NALF1: variants seen among roughly 807,000 people sequenced by gnomAD.
NALF1 encodes the protein family with sequence similarity 155 member A.
In NALF1, 3 loss-of-function variants were observed where a neutral mutation model predicts 48.4. The ratio of observed to expected loss-of-function variants is 0.06; its 90% confidence interval spans 0.03 to 0.16. The LOEUF is 0.16. Among genes scored for constraint, NALF1 ranks in the 10% least tolerant of loss-of-function variants. NALF1 has a pLI of 1.00. For missense variants in NALF1, 526 were observed against 571.5 expected (o/e 0.92, Z 0.81); for synonymous variants, 262 against 245.7 (o/e 1.07, Z -0.62).
chr13:107,674,089 T>C (rs1881057394), intron 1 of NALF1, among the ~76,000 whole-genome samples: 1 of 152,054 alleles, frequency 6.6e-6, no homozygotes, highest in South Asian at 2.1e-4. Context: ...CCAGCATAGA[T>C]TTTAATATCT....
intron 1 of NALF1, among the ~76,000 whole-genome samples, chr13:107,649,682 T>C (rs1016146226): frequency 1.3e-5 from 2 of 152,190 alleles, no homozygotes; most frequent in African/African-American, 2.4e-5. Flanking sequence ...CAGTGTATCC[T>C]GGAAAATTAT....
intron 1 of NALF1, among the ~76,000 whole-genome samples, chr13:107,430,289 CT>C (rs66808641): frequency 0.29 from 44,036 of 150,094 alleles, 6,513 homozygotes; most frequent in East Asian, 0.47. Flanking sequence ...AATATTTTAA[CT>C]TTTTTTTTTA....
At chr13:107,364,705 T>G in intron 1 of NALF1, among the ~76,000 whole-genome samples, 1 of 152,040 alleles carries the variant, frequency 6.6e-6, no homozygotes, top group East Asian at 1.9e-4. Flanking sequence ...TCCCTACAAC[T>G]TCACCTTAAA....
At chr13:107,808,684 AAT>A (rs1406630619) in intron 1 of NALF1, among the ~76,000 whole-genome samples, 1 of 149,908 alleles carries the variant, frequency 6.7e-6, no homozygotes, top group Non-Finnish European at 1.5e-5. Context: ...AAAAAAAAAA[AAT>A]GACTGCTTAG....
intron 1 of NALF1, among the ~76,000 whole-genome samples, chr13:107,454,726 C>T (rs961229518): frequency 2.6e-5 from 4 of 152,166 alleles, no homozygotes; most frequent in African/African-American, 9.7e-5. Flanking sequence ...GCTAGAAATA[C>T]TGAGCCTGTG....
intron 1 of NALF1, among the ~76,000 whole-genome samples, chr13:107,840,585 C>T (rs568828169): frequency 3.5e-4 from 54 of 152,322 alleles, no homozygotes; most frequent in African/African-American, 1.3e-3. Context: ...CAAATGCACA[C>T]AGACATTCAG....
intron 1 of NALF1, among the ~76,000 whole-genome samples, chr13:107,355,827 G>C (rs1217023331): frequency 2.0e-5 from 3 of 152,042 alleles, no homozygotes; most frequent in African/African-American, 7.2e-5. Flanking sequence ...GTGTGAGAAT[G>C]GACTAATACA....
chr13:107,816,993 G>C (rs1879186792), intron 1 of NALF1, among the ~76,000 whole-genome samples: 1 of 152,088 alleles, frequency 6.6e-6, no homozygotes, highest in South Asian at 2.1e-4. Flanking sequence ...TATAAATGTA[G>C]GGTTTTTTGT....
intron 1 of NALF1, among the ~76,000 whole-genome samples, chr13:107,601,877 G>A (rs113012487): frequency 5.9e-5 from 9 of 151,636 alleles, no homozygotes; most frequent in East Asian, 5.8e-4. Flanking sequence ...TTACCCAATC[G>A]GAGAGAAATT....
chr13:107,629,551 G>C (rs1202399373), intron 1 of NALF1, among the ~76,000 whole-genome samples: 4 of 152,066 alleles, frequency 2.6e-5, no homozygotes, highest in Admixed American at 2.6e-4. Context: ...TTGTTGGGCA[G>C]TGACTTGCTT....
chr13:107,296,000 T>A (rs1175446003), intron 1 of NALF1, among the ~76,000 whole-genome samples: 8 of 152,216 alleles, frequency 5.3e-5, no homozygotes, highest in Admixed American at 5.2e-4. Flanking sequence ...CTTGCCAGAA[T>A]ACATTGTGAA....
chr13:107,845,086 C>G (rs1351717340), intron 1 of NALF1, among the ~76,000 whole-genome samples: 1 of 152,152 alleles, frequency 6.6e-6, no homozygotes. Flanking sequence ...ATACACATAG[C>G]TTAATAGTTC....
At chr13:107,692,993 T>C (rs1222227020) in intron 1 of NALF1, among the ~76,000 whole-genome samples, 1 of 152,230 alleles carries the variant, frequency 6.6e-6, no homozygotes, top group African/African-American at 2.4e-5. Context: ...GCATGATTTA[T>C]AATCCTTTGG....
intron 1 of NALF1, among the ~76,000 whole-genome samples, chr13:107,796,464 A>G (rs1393500866): frequency 6.6e-6 from 1 of 152,182 alleles, no homozygotes; most frequent in Non-Finnish European, 1.5e-5. Context: ...TGAACAAATG[A>G]TTGAGATGTA....
At chr13:107,308,727 A>C (rs1306376841) in intron 1 of NALF1, among the ~76,000 whole-genome samples, 1 of 152,238 alleles carries the variant, frequency 6.6e-6, no homozygotes, top group African/African-American at 2.4e-5. Context: ...AACTGCAATG[A>C]AATCAAGCCA....
At chr13:107,668,063 T>A (rs936024381) in intron 1 of NALF1, among the ~76,000 whole-genome samples, 7 of 152,116 alleles carry the variant, frequency 4.6e-5, no homozygotes. Context: ...GTCCCAAACT[T>A]CACTGAAAAC....
At chr13:107,541,337 A>T in intron 1 of NALF1, among the ~76,000 whole-genome samples, 1 of 152,162 alleles carries the variant, frequency 6.6e-6, no homozygotes, top group East Asian at 1.9e-4. Context: ...ACATTAATTC[A>T]GTATGTCTCT....
chr13:107,485,759 G>A (rs537954586), intron 1 of NALF1, among the ~76,000 whole-genome samples: 2 of 152,226 alleles, frequency 1.3e-5, no homozygotes, highest in South Asian at 2.1e-4. Context: ...GCACTATGTT[G>A]CTACCTAAAA....
chr13:107,285,727 T>C (rs911273567), intron 1 of NALF1, among the ~76,000 whole-genome samples: 2 of 152,010 alleles, frequency 1.3e-5, no homozygotes, highest in Non-Finnish European at 2.9e-5. Flanking sequence ...ATATAGTAAG[T>C]ATTAGGATTC....
Sources: gnomAD v4.1 joint callset for allele counts (sites outside exome capture counted in the v4.1 genomes callset) on GRCh38, gnomAD v4.1.1 for gene constraint, MANE v1.5 for transcripts, NCBI Gene and HGNC (gene_info 2026-07-23, HGNC 2026-07-21) for gene names.